CENPE: variants seen among roughly 807,000 people sequenced by gnomAD.
CENPE encodes the protein centromere-associated protein E.
Under a neutral mutation model 336.1 loss-of-function variants are expected in CENPE, and 145 were observed. That is an observed-to-expected ratio of 0.43 (90% confidence interval 0.38 to 0.50). The LOEUF is 0.50. CENPE is among the 20% of genes least tolerant of loss of function. The pLI is 0.00. For missense variants in CENPE, 2,719 were observed against 3,023.3 expected (o/e 0.90, Z 2.36); for synonymous variants, 1,013 against 984.8 (o/e 1.03, Z -0.54).
rs931405682 is a variant in CENPE at position 103,107,324 on chromosome 4, A to G, written c.8012-1008T>C. On this transcript the variant is annotated intron_variant, in intron 48 of 48. Coordinates refer to ENST00000265148, the MANE Select transcript of CENPE (RefSeq NM_001813.3). ...TCTGTGCCTACCTATCTCCCTAAGA[A>G]CACTTTTAGACTGTCAACTTGATCT... Among the ~76,000 whole-genome samples, 6 of 152,350 alleles carry G rather than the reference A, an allele frequency of 3.9e-5. No individual in the cohort carries two copies. The South Asian group carries it at 1.2e-3, about 32-fold the overall frequency.
At chr4:103,170,578 T>C (rs115740812) in intron 16 of CENPE, among the ~76,000 whole-genome samples, 1,654 of 152,162 alleles carry the variant, frequency 0.011, 22 homozygotes, top group African/African-American at 0.034. Flanking sequence ...TATCAAAACA[T>C]ACTATCAGAG....
At chr4:103,157,333 G>A (rs973076508) in intron 24 of CENPE, among the ~76,000 whole-genome samples, 1 of 152,054 alleles carries the variant, frequency 6.6e-6, no homozygotes, top group Non-Finnish European at 1.5e-5. Flanking sequence ...ATAATGGGTA[G>A]AAGCAACGCA....
At chr4:103,115,377 G>C (rs1023517564) in intron 45 of CENPE, among the ~76,000 whole-genome samples, 3 of 151,968 alleles carry the variant, frequency 2.0e-5, no homozygotes, top group African/African-American at 7.3e-5. Flanking sequence ...CAGGTGATCT[G>C]CCTGCCTCAG....
In CENPE at chr4:103,106,174, T is replaced by C; in HGVS notation, c.*48A>G. ...AGGGATAGACACATAAACAAAGTCA[T>C]TTCCAAATAAGGAATGCTGGATCTC... On this transcript the variant is annotated 3_prime_UTR_variant, in exon 49 of 49. Coordinates refer to ENST00000265148, the MANE Select transcript of CENPE (RefSeq NM_001813.3). 2 of 1,313,666 alleles carry C rather than the reference T, an allele frequency of 1.5e-6. No individual in the cohort carries two copies. Among genetic ancestry groups the C allele is most frequent in the Non-Finnish European group, 2.1e-6 (2 of 952,146 alleles). The allele number at this position is 1,313,666 out of a possible 1,614,324, so 81.4% of individuals were successfully genotyped here.
chr4:103,133,366 GC>G (rs576320352), intron 41 of CENPE, among the ~76,000 whole-genome samples: 225 of 152,216 alleles, frequency 1.5e-3, no homozygotes, highest in African/African-American at 4.7e-3. Context: ...TCTAAATGTA[GC>G]TTTTCAGTAC....
Position 103,110,912 on chromosome 4 carries a change from C to G in CENPE, c.7640G>C (p.Ser2547Thr), listed in dbSNP as rs754537502. The change falls in exon 47 of 49, where the codon AGT becomes ACT. Residue 2547 changes from serine (S) to threonine (T), a missense_variant. By Grantham distance (58) the Ser-to-Thr change is moderately conservative. This residue lies in a region of CENPE where 2,437 missense variants were observed against 2,513.3 expected (regional missense o/e 0.97). Coordinates refer to ENST00000265148, the MANE Select transcript of CENPE (RefSeq NM_001813.3). ...VQNTKALILK[S>T]EHIRLEKEIS... Reference sequence around the variant, plus strand: ...TTCTTTTTCTAGCCTTATATGTTCACTTTTCAAAATAAGAGCTTTTGTGTT... The same window carrying G: ...TTCTTTTTCTAGCCTTATATGTTCAGTTTTCAAAATAAGAGCTTTTGTGTT... 1.9e-6 allele frequency: 3 copies of G among 1,612,262 alleles called. No individual in the cohort carries two copies. The highest frequency in any genetic ancestry group is 2.5e-6 in the Non-Finnish European group (3 of 1,179,156).
intron 16 of CENPE, among the ~76,000 whole-genome samples, chr4:103,168,254 A>C (rs369303878): frequency 1.3e-5 from 2 of 151,752 alleles, no homozygotes; most frequent in Middle Eastern, 6.8e-3. Context: ...AGCTATCTCG[A>C]CTGTATTGGG....
chr4:103,175,612 T>C (rs1755790451), intron 15 of CENPE, among the ~76,000 whole-genome samples: 1 of 152,146 alleles, frequency 6.6e-6, no homozygotes, highest in Non-Finnish European at 1.5e-5. Flanking sequence ...CCCTGATATA[T>C]TATTCTATAC....
intron 28 of CENPE, among the ~76,000 whole-genome samples, chr4:103,148,062 A>G (rs1753215182): frequency 6.6e-6 from 1 of 151,994 alleles, no homozygotes; most frequent in African/African-American, 2.4e-5. Context: ...GTCATCTTGA[A>G]CCCTCAGGCC....
intron 34 of CENPE, among the ~76,000 whole-genome samples, chr4:103,143,003 CAAAAA>C (rs1168385683): frequency 4.8e-5 from 3 of 62,992 alleles, no homozygotes; most frequent in Non-Finnish European, 6.1e-5. Context: ...GACTCTGTCT[CAAAAA>C]AAAAAAAAAA....
intron 16 of CENPE, among the ~76,000 whole-genome samples, chr4:103,167,901 ACATTGGTCTTGGCAGTGG>A (rs1755059233): frequency 3.3e-5 from 5 of 152,170 alleles, no homozygotes; most frequent in Non-Finnish European, 7.4e-5. Flanking sequence ...CTGCCTGTCG[ACATTGGTCTTGGCAGTGG>A]ACCCAAAAGT....
chr4:103,159,649 C>T (rs1754267671), intron 21 of CENPE, among the ~76,000 whole-genome samples: 1 of 151,850 alleles, frequency 6.6e-6, no homozygotes, highest in African/African-American at 2.4e-5. Flanking sequence ...ATGTGGCAGG[C>T]ATTTCTCAGA....
At chr4:103,137,340 G>C (rs1752156533) in intron 39 of CENPE, among the ~76,000 whole-genome samples, 1 of 152,228 alleles carries the variant, frequency 6.6e-6, no homozygotes, top group South Asian at 2.1e-4. Flanking sequence ...GTGACACACT[G>C]GTCAGAGCAC....
In CENPE at chr4:103,170,506, G is replaced by A. The variant is rs182031789; in HGVS notation, c.1647+4230C>T. 2.6e-3 allele frequency among the ~76,000 whole-genome samples: 393 copies of A among 152,170 alleles called. 3 individuals carry two copies. The highest frequency in any genetic ancestry group is 0.02 in the Admixed American group (313 of 15,280). Reference sequence around the variant, plus strand: ...CTGCATAACTGTAAGACTTTTTCTTGTAAGCCTGATGGTAACCACGAAGGA... The same window carrying A: ...CTGCATAACTGTAAGACTTTTTCTTATAAGCCTGATGGTAACCACGAAGGA... On this transcript the variant is annotated intron_variant, in intron 16 of 48. Coordinates refer to ENST00000265148, the MANE Select transcript of CENPE (RefSeq NM_001813.3).
chr4:103,140,136 T>C lies in CENPE; in HGVS notation c.5914-57A>G. 4.1e-6 allele frequency: 6 copies of C among 1,475,916 alleles called. No homozygotes were observed. The Admixed American group carries it at 9.9e-5, about 24-fold the overall frequency. 91.4% of individuals were successfully genotyped at this position (1,475,916 alleles called of 1,614,324 possible). A position where few individuals can be genotyped will look rare whatever the true frequency, so the allele number is the denominator to read the frequency against. On this transcript the variant is annotated intron_variant, in intron 37 of 48. Coordinates refer to ENST00000265148, the MANE Select transcript of CENPE (RefSeq NM_001813.3). The stretch of plus-strand genomic sequence containing the variant: ...AAGCAGTTTCTTCAAGGAAGGCAAA[T>C]AGTGTCTACTTGTGTTCTATATGCA...
intron 43 of CENPE, among the ~76,000 whole-genome samples, chr4:103,121,946 AC>A (rs1483820048): frequency 6.6e-6 from 1 of 151,824 alleles, no homozygotes; most frequent in Non-Finnish European, 1.5e-5. Context: ...ATATTTCTGA[AC>A]CCTCTATTCT....
At chr4:103,165,033 T>C (rs1315249707) in intron 16 of CENPE, among the ~76,000 whole-genome samples, 4 of 152,130 alleles carry the variant, frequency 2.6e-5, no homozygotes, top group Admixed American at 2.6e-4. Flanking sequence ...TCCTACTTCT[T>C]ATTTGAAATA....
chr4:103,181,158 C>A (rs1337289116), intron 12 of CENPE, among the ~76,000 whole-genome samples, 179 bp downstream of exon 12: 1 of 152,100 alleles, frequency 6.6e-6, no homozygotes, highest in Non-Finnish European at 1.5e-5. Context: ...CCAAATCTTA[C>A]AATTTATAGT....
rs779647011 is a variant in CENPE, at chr4:103,163,543, A to G, written c.1658T>C (p.Ile553Thr). Residue 553 changes from isoleucine (I) to threonine (T), a missense_variant, in exon 17 of 49, where the codon ATT becomes ACT. Physicochemically the swap from Ile to Thr is moderately conservative, Grantham distance 89. This residue lies in a region of CENPE where 2,437 missense variants were observed against 2,513.3 expected (regional missense o/e 0.97). Transcript: ENST00000265148. ...ATTCTTTAAGTTCGAAATTTCATGA[A>G]TTAGTTGCATCTGTAAGAGCATGTG... Reference protein sequence around the residue: ...KTKKDQEMQLIHEISNLKNLV... With the variant: ...KTKKDQEMQLTHEISNLKNLV... 9 of 1,582,648 alleles carry G rather than the reference A, an allele frequency of 5.7e-6. No individual in the cohort carries two copies. The highest frequency in any genetic ancestry group is 7.7e-6 in the Non-Finnish European group (9 of 1,162,054).
Sources: allele counts gnomAD v4.1 joint callset (sites outside exome capture counted in the v4.1 genomes callset), GRCh38; gene constraint gnomAD v4.1.1; regional missense constraint gnomAD v4.1.1; transcripts MANE v1.5; gene names NCBI Gene and HGNC (gene_info 2026-07-23, HGNC 2026-07-21).